The following JAZF1 variants were observed in gnomAD, a reference collection of about 807,000 sequenced individuals.
The protein encoded by JAZF1 is JAZF zinc finger 1, also known as juxtaposed with another zinc finger protein 1.
JAZF1 carries 8 observed loss-of-function variants against 26.4 expected under a neutral mutation model. That is an observed-to-expected ratio of 0.30 (90% CI 0.18 to 0.55). The LOEUF (loss-of-function observed/expected upper bound fraction) is 0.55, where lower values mean the gene tolerates loss of function less well. Among genes scored for constraint, JAZF1 ranks in the 20% least tolerant of loss-of-function variants. The pLI, the probability that JAZF1 is intolerant of heterozygous loss-of-function variation, is 0.94. For synonymous variants in JAZF1, 126 were observed against 122.3 expected (o/e 1.03, Z -0.20); for missense variants, 199 against 322.0 (o/e 0.62, Z 2.92).
chr7:27,967,555 T>C (rs1442742832), intron 2 of JAZF1, among the ~76,000 whole-genome samples: 1 of 152,060 alleles, frequency 6.6e-6, no homozygotes, highest in Non-Finnish European at 1.5e-5. Context: ...TAAATAACAA[T>C]CTACAAAAAC....
chr7:28,091,627 T>C (rs1784298313), intron 1 of JAZF1, among the ~76,000 whole-genome samples: 1 of 148,836 alleles, frequency 6.7e-6, no homozygotes, highest in South Asian at 2.1e-4. Flanking sequence ...ATATAACATA[T>C]ATATATATAC....
At chr7:27,844,578 G>A (rs1782984360) in intron 3 of JAZF1, 1 of 152,158 alleles carries the variant, frequency 6.6e-6, no homozygotes, top group Non-Finnish European at 1.5e-5. Flanking sequence ...GAATGTGTGT[G>A]AATATTTTTA....
chr7:27,929,953 TCTCTCTCC>T (rs918613185), intron 2 of JAZF1, among the ~76,000 whole-genome samples: 4 of 151,572 alleles, frequency 2.6e-5, no homozygotes, highest in African/African-American at 9.7e-5. Context: ...TCTCTCTCTC[TCTCTCTCC>T]CCCTCTCTCC....
At chr7:28,123,584 T>C (rs1291325414) in intron 1 of JAZF1, among the ~76,000 whole-genome samples, 1 of 152,250 alleles carries the variant, frequency 6.6e-6, no homozygotes, top group Non-Finnish European at 1.5e-5. Flanking sequence ...TGTGTCATTA[T>C]ATTCTAAATG....
chr7:28,032,196 T>A (rs1038781224), intron 1 of JAZF1, among the ~76,000 whole-genome samples: 3 of 152,206 alleles, frequency 2.0e-5, no homozygotes, highest in Non-Finnish European at 4.4e-5. Flanking sequence ...CTTCCTTACT[T>A]TCATGTTTAC....
At chr7:28,137,426 T>C (rs778007983) in intron 1 of JAZF1, among the ~76,000 whole-genome samples, 2 of 152,136 alleles carry the variant, frequency 1.3e-5, no homozygotes, top group Non-Finnish European at 2.9e-5. Flanking sequence ...TAGTCACCCT[T>C]CACAACCCTG....
intron 1 of JAZF1, among the ~76,000 whole-genome samples, chr7:28,009,048 G>C (rs74732944): frequency 7.9e-5 from 12 of 152,068 alleles, no homozygotes; most frequent in Non-Finnish European, 5.9e-5. Flanking sequence ...AGAGAAGCTC[G>C]GGAGACCTCT....
At chr7:27,897,923 G>A (rs962153052) in intron 2 of JAZF1, among the ~76,000 whole-genome samples, 5 of 152,214 alleles carry the variant, frequency 3.3e-5, no homozygotes, top group African/African-American at 1.2e-4. Context: ...CTAAGAAGGT[G>A]ACTTGTTGGC....
intron 1 of JAZF1, among the ~76,000 whole-genome samples, chr7:28,067,886 C>T (rs138760676): frequency 0.01 from 1,566 of 152,100 alleles, 5 homozygotes; most frequent in Non-Finnish European, 0.016. Context: ...TGTCCTTTCC[C>T]GTCTCCTTCT....
chr7:27,990,261 A>G (rs977162800), intron 2 of JAZF1, among the ~76,000 whole-genome samples: 18 of 152,164 alleles, frequency 1.2e-4, no homozygotes, highest in African/African-American at 4.3e-4. Context: ...AGGGTGGGGA[A>G]CATCACACAC....
chr7:28,083,695 C>G (rs1784171937), intron 1 of JAZF1, among the ~76,000 whole-genome samples: 1 of 152,038 alleles, frequency 6.6e-6, no homozygotes. Flanking sequence ...TGCCTTAACC[C>G]ACAGGCCATC....
At chr7:27,935,342 C>T (rs1784749913) in intron 2 of JAZF1, among the ~76,000 whole-genome samples, 1 of 152,162 alleles carries the variant, frequency 6.6e-6, no homozygotes, top group African/African-American at 2.4e-5. Flanking sequence ...CAAAATATGC[C>T]ATATTCATAC....
Position 27,880,749 on chromosome 7 carries a change from C to T in JAZF1, c.385+14471G>A, listed in dbSNP as rs565023967. ...GTGCAATCTAGGCTCACTGCAGCCT[C>T]AATCTCCCAGGCTCAGGTGATCCTC... On this transcript the variant is annotated intron_variant, in intron 3 of 4. Coordinates refer to ENST00000283928, the MANE Select transcript of JAZF1 (RefSeq NM_175061.4). 2.0e-4 allele frequency among the ~76,000 whole-genome samples: 31 copies of T among 152,304 alleles called. No homozygotes were observed. The East Asian group carries it at 4.8e-3, about 24-fold the overall frequency.
chr7:28,154,411 T>C (rs1222413575), intron 1 of JAZF1, among the ~76,000 whole-genome samples: 4 of 152,206 alleles, frequency 2.6e-5, no homozygotes, highest in Non-Finnish European at 5.9e-5. Context: ...GTACTTAAGA[T>C]ATGATCATTA....
At chr7:27,923,291 C>A (rs1784561665) in intron 2 of JAZF1, among the ~76,000 whole-genome samples, 1 of 152,214 alleles carries the variant, frequency 6.6e-6, no homozygotes, top group Non-Finnish European at 1.5e-5. Context: ...AATGACTCTT[C>A]CAAACGAAAA....
At chr7:27,858,276 G>C (rs1267633894) in intron 3 of JAZF1, among the ~76,000 whole-genome samples, 2 of 152,180 alleles carry the variant, frequency 1.3e-5, no homozygotes, top group Non-Finnish European at 2.9e-5. Context: ...TGGATAGGAA[G>C]AATCAATATC....
intron 1 of JAZF1, among the ~76,000 whole-genome samples, chr7:27,997,084 A>G (rs1226597969): frequency 1.3e-5 from 2 of 152,174 alleles, no homozygotes. Context: ...GAAAACCCAT[A>G]CAGGAGTAGA....
intron 1 of JAZF1, among the ~76,000 whole-genome samples, chr7:28,149,933 C>A (rs543855475): frequency 9.2e-5 from 14 of 152,344 alleles, no homozygotes; most frequent in African/African-American, 3.4e-4. Flanking sequence ...TCAGCAGTGA[C>A]CACTAGAGCA....
At chr7:28,097,557 A>G (rs965121584) in intron 1 of JAZF1, among the ~76,000 whole-genome samples, 2 of 152,264 alleles carry the variant, frequency 1.3e-5, no homozygotes, top group Non-Finnish European at 2.9e-5. Context: ...ACACAGGTAC[A>G]TTAACTTAAG....
Sources: gnomAD v4.1 joint callset for allele counts (sites outside exome capture counted in the v4.1 genomes callset) on GRCh38, gnomAD v4.1.1 for gene constraint, MANE v1.5 for transcripts, NCBI Gene and HGNC (gene_info 2026-07-23, HGNC 2026-07-21) for gene names.